ANGPT1: variants seen among roughly 807,000 people sequenced by gnomAD.
ANGPT1 encodes the protein angiopoietin-1.
In ANGPT1, 17 loss-of-function variants were observed where a neutral mutation model predicts 62.2. The ratio of observed to expected loss-of-function variants is 0.27; its 90% CI spans 0.19 to 0.41. ANGPT1 has a LOEUF of 0.41. Among genes scored for constraint, ANGPT1 ranks in the 10% least tolerant of loss-of-function variants. The pLI, the probability that ANGPT1 is intolerant of heterozygous loss-of-function variation, is 1.00. For missense variants in ANGPT1, 478 were observed against 594.9 expected, an observed-to-expected ratio of 0.80 and a Z score of 2.04; for synonymous variants, 199 against 198.9, an observed-to-expected ratio of 1.00 and a Z score of 0.00.
rs78689355 is a variant in ANGPT1 at position 107,268,149 on chromosome 8, T to C, written c.1206-3798A>G. Among the ~76,000 whole-genome samples the C allele has an allele frequency of 4.8e-3, 731 of 152,202 alleles. 4 individuals carry two copies. The highest frequency in any genetic ancestry group is 0.017 in the African/African-American group (693 of 41,558). On this transcript the variant is annotated intron_variant, in intron 7 of 8. Coordinates refer to ENST00000517746, the MANE Select transcript of ANGPT1 (RefSeq NM_001146.5). ...ATCAGAATCTTGAAATCTTGAACAGTCTCTGAGATAGAGAAAGGCCTCAAT... is the reference window on the plus strand; with the variant it reads ...ATCAGAATCTTGAAATCTTGAACAGCCTCTGAGATAGAGAAAGGCCTCAAT...
At chr8:107,406,814 G>A (rs551436107) in intron 1 of ANGPT1, among the ~76,000 whole-genome samples, 19 of 149,486 alleles carry the variant, frequency 1.3e-4, no homozygotes, top group African/African-American at 1.7e-4. Flanking sequence ...TTGTTACTAC[G>A]TAAGTCATCA....
intron 1 of ANGPT1, among the ~76,000 whole-genome samples, chr8:107,431,457 T>C (rs570871096): frequency 6.6e-6 from 1 of 152,314 alleles, no homozygotes; most frequent in Non-Finnish European, 1.5e-5. Flanking sequence ...AGTGACTTCA[T>C]CTTTACTCTG....
chr8:107,357,487 G>A (rs1325555504), intron 1 of ANGPT1, among the ~76,000 whole-genome samples: 1 of 152,156 alleles, frequency 6.6e-6, no homozygotes, highest in Non-Finnish European at 1.5e-5. Flanking sequence ...CTTAAAAAGA[G>A]AAAGATTTGA....
intron 1 of ANGPT1, among the ~76,000 whole-genome samples, chr8:107,421,315 TTGCATGGAAATC>T (rs1189762732): frequency 1.3e-5 from 2 of 152,200 alleles, no homozygotes; most frequent in African/African-American, 4.8e-5. Context: ...TAGTCACAGT[TTGCATGGAAATC>T]TGCCAGTAAA....
At chr8:107,292,344 C>T (rs1482633532) in intron 6 of ANGPT1, among the ~76,000 whole-genome samples, 1 of 152,142 alleles carries the variant, frequency 6.6e-6, no homozygotes, top group African/African-American at 2.4e-5. Flanking sequence ...GTAACCAGAA[C>T]ATGGCAGACA....
chr8:107,467,366 A>G (rs531370138), intron 1 of ANGPT1, among the ~76,000 whole-genome samples: 1 of 151,912 alleles, frequency 6.6e-6, no homozygotes, highest in Non-Finnish European at 1.5e-5. Flanking sequence ...AGATTCTTAC[A>G]GTTCTCAATG....
intron 1 of ANGPT1, among the ~76,000 whole-genome samples, chr8:107,412,075 T>C (rs1391260077): frequency 1.3e-5 from 2 of 152,120 alleles, no homozygotes; most frequent in African/African-American, 4.8e-5. Flanking sequence ...ACTCACTAGA[T>C]GTAAGTAGCA....
chr8:107,445,787 T>C (rs1811600637), intron 1 of ANGPT1, among the ~76,000 whole-genome samples: 1 of 152,104 alleles, frequency 6.6e-6, no homozygotes, highest in African/African-American at 2.4e-5. Context: ...AACTGTTTAA[T>C]AGAAATAAAT....
At chr8:107,273,361 G>A (rs113923160) in intron 7 of ANGPT1, among the ~76,000 whole-genome samples, 21 of 152,148 alleles carry the variant, frequency 1.4e-4, no homozygotes, top group Admixed American at 1.2e-3. Context: ...CTTGGACATT[G>A]TATTGCTATA....
intron 4 of ANGPT1, among the ~76,000 whole-genome samples, chr8:107,318,659 GTATT>G (rs1174182293): frequency 6.6e-6 from 1 of 151,940 alleles, no homozygotes; most frequent in Non-Finnish European, 1.5e-5. Flanking sequence ...GTTTATGTAT[GTATT>G]TATTCTAGGC....
At chr8:107,488,761 A>G (rs572500307) in intron 1 of ANGPT1, among the ~76,000 whole-genome samples, 179 of 152,288 alleles carry the variant, frequency 1.2e-3, no homozygotes, top group Non-Finnish European at 2.0e-3. Context: ...ATATCTGTGC[A>G]ATTAAAATAA....
intron 1 of ANGPT1, among the ~76,000 whole-genome samples, chr8:107,370,377 A>AGT (rs1816374651): frequency 3.7e-5 from 2 of 53,494 alleles, no homozygotes; most frequent in Non-Finnish European, 1.0e-4. Context: ...AGAAAGAAAG[A>AGT]AAGAAAGAAA....
intron 4 of ANGPT1, among the ~76,000 whole-genome samples, chr8:107,315,213 T>C (rs914696059): frequency 6.6e-6 from 1 of 152,174 alleles, no homozygotes; most frequent in African/African-American, 2.4e-5. Flanking sequence ...TATGTCTCTG[T>C]GATAATGTGA....
intron 1 of ANGPT1, among the ~76,000 whole-genome samples, chr8:107,486,414 A>G (rs1812816303): frequency 6.6e-6 from 1 of 152,144 alleles, no homozygotes; most frequent in Non-Finnish European, 1.5e-5. Context: ...TTATAACACT[A>G]TCTACCTCAC....
intron 1 of ANGPT1, among the ~76,000 whole-genome samples, chr8:107,369,910 G>A (rs1328709866): frequency 3.3e-5 from 5 of 152,144 alleles, no homozygotes; most frequent in Non-Finnish European, 7.4e-5. Flanking sequence ...GACCAAGGTG[G>A]GAGGTTTGCT....
intron 1 of ANGPT1, among the ~76,000 whole-genome samples, chr8:107,387,595 C>T (rs1001646003): frequency 4.6e-5 from 7 of 151,766 alleles, no homozygotes; most frequent in Non-Finnish European, 7.4e-5. Context: ...ATAGTACGAT[C>T]GTACTATTTA....
intron 8 of ANGPT1, among the ~76,000 whole-genome samples, chr8:107,261,511 C>G (rs1813490550): frequency 1.3e-5 from 2 of 151,732 alleles, no homozygotes; most frequent in Admixed American, 6.6e-5. Flanking sequence ...TCAGACCATC[C>G]TGGCTAACAC....
At chr8:107,444,026 C>T (rs915895672) in intron 1 of ANGPT1, among the ~76,000 whole-genome samples, 1 of 152,030 alleles carries the variant, frequency 6.6e-6, no homozygotes, top group Non-Finnish European at 1.5e-5. Flanking sequence ...TAAATGTGTT[C>T]AAGAAGAGTC....
At chr8:107,475,572 CAAA>C (rs1162211798) in intron 1 of ANGPT1, among the ~76,000 whole-genome samples, 3 of 152,078 alleles carry the variant, frequency 2.0e-5, no homozygotes, top group Non-Finnish European at 4.4e-5. Context: ...CAACAAAAGC[CAAA>C]ATTGACAAAT....
Sources: gnomAD v4.1 joint callset for allele counts (sites outside exome capture counted in the v4.1 genomes callset) on GRCh38, gnomAD v4.1.1 for gene constraint, MANE v1.5 for transcripts, NCBI Gene and HGNC (gene_info 2026-07-23, HGNC 2026-07-21) for gene names.